Variants in MYSM1 observed in about 807,000 individuals in gnomAD.
The protein encoded by MYSM1 is deubiquitinase MYSM1.
Under a neutral mutation model 116.0 loss-of-function variants are expected in MYSM1, and 51 were observed. That is an observed-to-expected ratio of 0.44 (90% CI 0.35 to 0.56). The LOEUF is 0.56. Among genes scored for constraint, MYSM1 ranks in the 20% least tolerant of loss-of-function variants. MYSM1 has a pLI of 0.00. For missense variants in MYSM1, 900 were observed against 974.9 expected, an observed-to-expected ratio of 0.92 and a Z score of 1.02; for synonymous variants, 313 against 315.2, an observed-to-expected ratio of 0.99 and a Z score of 0.07.
At position 58,682,556 on chromosome 1, in the gene MYSM1, A is replaced by G. The variant is rs934659960; in HGVS notation, c.499-11T>C. The G allele has an allele frequency of 1.3e-6, 2 of 1,554,556 alleles. No homozygotes were observed. The highest frequency in any genetic ancestry group is 2.8e-5 in the African/African-American group (2 of 72,088). ...CAGACCGCATTTGACCTTATTAAAAATCAAAATAAAATCCCCATAATATTA... is the reference window on the plus strand; with the variant it reads ...CAGACCGCATTTGACCTTATTAAAAGTCAAAATAAAATCCCCATAATATTA... On this transcript the variant is annotated splice_polypyrimidine_tract_variant and intron_variant, in intron 7 of 19. Coordinates refer to ENST00000472487, the MANE Select transcript of MYSM1 (RefSeq NM_001085487.3).
chr1:58,685,156 A>C lies in MYSM1; in HGVS notation c.495T>G (p.Asn165Lys), dbSNP rs1420465415. ...VKSYARQYFK[N>K]KVKCGLDKET... ...AGGATACTGATATTCTGCTTACCTT[A>C]TTTTTAAAATACTGTCTTGCATAAC... is the stretch of plus-strand genomic sequence containing the variant. Residue 165 changes from asparagine (N) to lysine (K), a missense_variant, in exon 7 of 20, where the codon AAT becomes AAG. By Grantham distance (94) the Asn-to-Lys change is moderately conservative. Coordinates refer to ENST00000472487, the MANE Select transcript of MYSM1 (RefSeq NM_001085487.3). 2 of 1,583,916 alleles carry C rather than the reference A, an allele frequency of 1.3e-6. No homozygotes were observed. Among genetic ancestry groups the C allele is most frequent in the African/African-American group, 2.7e-5 (2 of 73,310 alleles).
intron 2 of MYSM1, 36 bp from the exon 3 acceptor site, chr1:58,692,967 A>T (rs778536310): frequency 4.0e-6 from 6 of 1,502,230 alleles, no homozygotes; most frequent in Non-Finnish European, 5.4e-6. Context: ...CTTTTTATTT[A>T]TTGCTTTTTG....
chr1:58,679,123 T>C (rs936424518), intron 8 of MYSM1, among the ~76,000 whole-genome samples: 3 of 152,190 alleles, frequency 2.0e-5, no homozygotes, highest in Non-Finnish European at 2.9e-5. Flanking sequence ...AGAATCTTTA[T>C]CTATAAACAA....
Position 58,695,135 on chromosome 1 carries a change from G to T in MYSM1, c.141C>A (p.Gly47=). Residue 47 remains glycine (G), a synonymous_variant, in exon 2 of 20, where the codon GGC becomes GGA. Coordinates refer to ENST00000472487, the MANE Select transcript of MYSM1 (RefSeq NM_001085487.3). ...YLDSSWRTEN[G]LIPWTLDNTI... ...ATTTTTATAAAATACTTACAATAAG[G>T]CCATTCTCTGTTCTCCAAGATGAAT... is the stretch of plus-strand genomic sequence containing the variant. The T allele has an allele frequency of 1.3e-6, 2 of 1,587,538 alleles. No homozygotes were observed. The highest frequency in any genetic ancestry group is 8.6e-7 in the Non-Finnish European group (1 of 1,157,198).
intron 10 of MYSM1, 45 bp downstream of exon 10, chr1:58,675,432 G>A (rs1314915480): frequency 2.9e-6 from 4 of 1,398,612 alleles, no homozygotes; most frequent in East Asian, 4.6e-5. Flanking sequence ...ACTAAACAGA[G>A]TAAGCAGCAA....
intron 8 of MYSM1, among the ~76,000 whole-genome samples, chr1:58,680,224 G>A (rs952041388): frequency 1.3e-5 from 2 of 152,056 alleles, no homozygotes; most frequent in Non-Finnish European, 2.9e-5. Context: ...TAGAATAAAA[G>A]AGTGATTTAC....
At chr1:58,671,293 T>G (rs998175926) in intron 12 of MYSM1, among the ~76,000 whole-genome samples, 2 of 152,196 alleles carry the variant, frequency 1.3e-5, no homozygotes, top group Non-Finnish European at 2.9e-5. Flanking sequence ...ATTTAAATTA[T>G]TGTTTAATAA....
At position 58,658,769 on chromosome 1, in the gene MYSM1, T is replaced by G. The variant is rs896572642; in HGVS notation, c.*1228A>C. 6.6e-6 allele frequency: 1 copy of G among 152,294 alleles called. No individual in the cohort carries two copies. Among genetic ancestry groups the G allele is most frequent in the African/African-American group, 2.4e-5 (1 of 41,568 alleles). The allele number at this position is 152,294 out of a possible 1,614,324, so 9.4% of individuals were successfully genotyped here. A position where few individuals can be genotyped will look rare whatever the true frequency, so the allele number is the denominator to read the frequency against. On this transcript the variant is annotated 3_prime_UTR_variant, in exon 20 of 20. Coordinates refer to ENST00000472487, the MANE Select transcript of MYSM1 (RefSeq NM_001085487.3). ...TTGACTGCTTATTTTATTTTAAAAT[T>G]GGCTTAAATGCAGATCATAATTCTG...
At chr1:58,694,324 A>G (rs1372263372) in intron 2 of MYSM1, among the ~76,000 whole-genome samples, 1 of 152,240 alleles carries the variant, frequency 6.6e-6, no homozygotes, top group African/African-American at 2.4e-5. Flanking sequence ...TAAGTACTCA[A>G]TAAGTAACTA....
In MYSM1 at chr1:58,675,520, T is replaced by C. The variant is rs753463276; in HGVS notation, c.1451A>G (p.Asp484Gly). Residue 484 changes from aspartate to glycine, a missense_variant, in exon 10 of 20, where the codon GAT (aspartate) becomes GGT (glycine). Asp to Gly is a moderately conservative substitution (Grantham distance 94). Around this residue, in one of 3 missense-constraint regions of MYSM1, gnomAD observed 622 missense variants for 623.7 expected, o/e 1.00. Transcript: ENST00000472487. ...GGCAAGTTGGTATGCTTCTACTGCA[T>C]CTTTTCTGTCTCTGATTCGTACTTT... The part of the protein sequence containing the change: ...VDKVRIRDRK[D>G]AVEAYQLAQR... The C allele has an allele frequency of 1.9e-6, 3 of 1,613,552 alleles. No individual in the cohort carries two copies. Among genetic ancestry groups the C allele is most frequent in the Admixed American group, 1.7e-5 (1 of 59,998 alleles).
At chr1:58,687,047 C>G (rs1305114620) in intron 6 of MYSM1, among the ~76,000 whole-genome samples, 1 of 151,764 alleles carries the variant, frequency 6.6e-6, no homozygotes, top group Non-Finnish European at 1.5e-5. Context: ...AGTCCCATGC[C>G]CAAAAAAGGG....
At chr1:58,693,912 T>G (rs1348769668) in intron 2 of MYSM1, among the ~76,000 whole-genome samples, 1 of 152,252 alleles carries the variant, frequency 6.6e-6, no homozygotes, top group African/African-American at 2.4e-5. Context: ...AAGTCCTGCA[T>G]GACAGAACTC....
chr1:58,673,045 T>C (rs1286662531), intron 11 of MYSM1, among the ~76,000 whole-genome samples: 1 of 152,136 alleles, frequency 6.6e-6, no homozygotes, highest in Non-Finnish European at 1.5e-5. Flanking sequence ...CTTACAACAA[T>C]ACTTTGAGGG....
intron 6 of MYSM1, among the ~76,000 whole-genome samples, chr1:58,685,724 A>G (rs1168615237): frequency 1.3e-5 from 2 of 152,166 alleles, no homozygotes; most frequent in African/African-American, 4.8e-5. Flanking sequence ...CTTTTACTCT[A>G]TCAGATATCA....
At chr1:58,680,026 C>CAAAAAAA (rs6143231) in intron 8 of MYSM1, among the ~76,000 whole-genome samples, 1 of 126,914 alleles carries the variant, frequency 7.9e-6, no homozygotes, top group African/African-American at 3.1e-5. Flanking sequence ...GACTCTGTCT[C>CAAAAAAA]AAAAAAAAAA....
chr1:58,682,641 A>G (rs1455426665), intron 7 of MYSM1, 96 bp from the exon 8 acceptor site: 2 of 1,148,692 alleles, frequency 1.7e-6, no homozygotes, highest in Admixed American at 5.8e-5. Context: ...GTGTTATTAA[A>G]CTGAATACAT....
rs1644362581 is a variant in MYSM1, at chr1:58,659,513, A to C, written c.*484T>G. 6.6e-6 allele frequency: 1 copy of C among 152,194 alleles called. No individual in the cohort carries two copies. The highest frequency in any genetic ancestry group is 2.1e-4 in the South Asian group (1 of 4,836). 9.4% of individuals were successfully genotyped at this position (152,194 alleles called of 1,614,324 possible). On this transcript the variant is annotated 3_prime_UTR_variant, in exon 20 of 20. Transcript: ENST00000472487. ...TGGTCTCCTGTTAGATTTATTAATC[A>C]GTAGTTCTAAACCATATTAATTATC...
Position 58,674,991 on chromosome 1 carries a change from G to A in MYSM1, c.1494+486C>T, listed in dbSNP as rs1162291437. On this transcript the variant is annotated intron_variant, in intron 10 of 19. Transcript: ENST00000472487. ...TTTTTATTTGTTTTTTTTTCCCCTCGAGATGTTTCTTTTTCTCCTAGTAGG... is the reference window on the plus strand; with the variant it reads ...TTTTTATTTGTTTTTTTTTCCCCTCAAGATGTTTCTTTTTCTCCTAGTAGG... 2.7e-5 allele frequency among the ~76,000 whole-genome samples: 4 copies of A among 148,016 alleles called. No individual in the cohort carries two copies. The South Asian group carries it at 6.4e-4, about 24-fold the overall frequency.
rs1644542913 is a variant in MYSM1 at position 58,670,416 on chromosome 1, C to A, written c.1662-1378G>T. ...TTGTTTCACAATACAAAAAAGCAGA[C>A]TGCAGAAAAGGAGGAACTAGATGTT... On this transcript the variant is annotated intron_variant, in intron 12 of 19. Coordinates refer to ENST00000472487, the MANE Select transcript of MYSM1 (RefSeq NM_001085487.3). 2.6e-5 allele frequency among the ~76,000 whole-genome samples: 4 copies of A among 152,222 alleles called. No homozygotes were observed. In the South Asian group the frequency reaches 8.3e-4, roughly 32 times the overall value.
Sources: allele counts gnomAD v4.1 joint callset (sites outside exome capture counted in the v4.1 genomes callset), GRCh38; gene constraint gnomAD v4.1.1; regional missense constraint gnomAD v4.1.1; transcripts MANE v1.5; gene names NCBI Gene and HGNC (gene_info 2026-07-23, HGNC 2026-07-21).